MMP2: variants seen among roughly 807,000 people sequenced by gnomAD.
MMP2 encodes the protein 72 kDa type IV collagenase.
In MMP2, 39 loss-of-function variants were observed where a neutral mutation model predicts 74.8. That is an observed-to-expected ratio of 0.52 (90% CI 0.40 to 0.68). The LOEUF is 0.68. Ranked by LOEUF, MMP2 falls within the 30% of genes least tolerant of loss-of-function variation. MMP2 has a pLI of 0.00. For missense variants in MMP2, 803 were observed against 878.3 expected, an observed-to-expected ratio of 0.91 and a Z score of 1.08; for synonymous variants, 367 against 339.8, an observed-to-expected ratio of 1.08 and a Z score of -0.88.
At chr16:55,488,919 C>T in intron 6 of MMP2, 1 of 634,186 alleles carries the variant, frequency 1.6e-6, no homozygotes, top group Non-Finnish European at 2.8e-6. Context: ...GAAATCAGAA[C>T]AGACATTGGG....
At chr16:55,503,997 T>A (rs547452648) in intron 12 of MMP2, among the ~76,000 whole-genome samples, 6 of 152,164 alleles carry the variant, frequency 3.9e-5, no homozygotes, top group South Asian at 2.1e-4. Context: ...TACAAAAAAA[T>A]TTTAAAAAAC....
At chr16:55,491,775 C>A in intron 7 of MMP2, 26 bp from the exon 8 acceptor site, 2 of 1,614,100 alleles carry the variant, frequency 1.2e-6, no homozygotes, top group Non-Finnish European at 1.7e-6. Context: ...TGTCTTTCAA[C>A]CCTCTCTCCT....
chr16:55,484,032 C>G lies in MMP2; in HGVS notation c.397C>G (p.Pro133Ala). Reference sequence around the variant, plus strand: ...CACCTCCAGGATCATTGGCTACACACCTGATCTGGACCCAGAGACAGTGGA... The same window carrying G: ...CACCTCCAGGATCATTGGCTACACAGCTGATCTGGACCCAGAGACAGTGGA... ...QITYRIIGYT[P>A]DLDPETVDDA... Residue 133 changes from proline (P) to alanine (A), a missense_variant, in exon 3 of 13, where the codon CCT becomes GCT. Pro to Ala is a conservative substitution (Grantham distance 27). Coordinates refer to ENST00000219070, the MANE Select transcript of MMP2 (RefSeq NM_004530.6). The G allele has an allele frequency of 6.2e-7, 1 of 1,614,196 alleles. No individual in the cohort carries two copies. Among genetic ancestry groups the G allele is most frequent in the Non-Finnish European group, 8.5e-7 (1 of 1,180,030 alleles).
In MMP2 at chr16:55,493,200, C is replaced by T; in HGVS notation, c.1379C>T (p.Thr460Met). The T allele has an allele frequency of 6.2e-7, 1 of 1,614,072 alleles. No homozygotes were observed. The highest frequency in any genetic ancestry group is 8.5e-7 in the Non-Finnish European group (1 of 1,179,980). The change falls in exon 9 of 13, where the codon ACG becomes ATG. Residue 460 changes from threonine to methionine, a missense_variant. Around this residue, in one of 3 missense-constraint regions of MMP2, gnomAD observed 555 missense variants for 592.0 expected, o/e 0.94. Transcript: ENST00000219070. The stretch of plus-strand genomic sequence containing the variant: ...GACCTTGGCACCGGCCCCACCCCCA[C>T]GCTGGGCCCTGTCACTCCTGAGATC... ...DIDLGTGPTP[T>M]LGPVTPEICK...
intron 1 of MMP2, among the ~76,000 whole-genome samples, chr16:55,480,788 C>T (rs1962080448): frequency 6.6e-6 from 1 of 152,168 alleles, no homozygotes; most frequent in African/African-American, 2.4e-5. Flanking sequence ...CTACCCTCTC[C>T]CAACTCTCAC....
intron 10 of MMP2, 133 bp from the exon 11 acceptor site, chr16:55,498,156 C>T (rs1475009397): frequency 1.7e-6 from 2 of 1,182,606 alleles, no homozygotes; most frequent in Non-Finnish European, 2.5e-6. Context: ...GGCACTGCAA[C>T]CAGGAGTGAG....
In MMP2 at chr16:55,482,915, C is replaced by T. The variant is rs754105793; in HGVS notation, c.160C>T (p.Leu54=). 3.7e-6 allele frequency: 6 copies of T among 1,613,944 alleles called. No individual in the cohort carries two copies. In the African/African-American group the frequency reaches 8.0e-5, roughly 22 times the overall value. Residue 54 remains leucine (L), a synonymous_variant, in exon 2 of 13, where the codon CTG becomes TTG. Transcript: ENST00000219070. ...KTDKELAVQY[L]NTFYGCPKES... is the part of the protein sequence containing the mutation. ...GGGTGTGCATTTCTTTCAGCAATAC[C>T]TGAACACCTTCTATGGCTGCCCCAA...
At chr16:55,485,119 T>C (rs1962208316) in intron 3 of MMP2, among the ~76,000 whole-genome samples, 180 bp from the exon 4 acceptor site, 2 of 151,972 alleles carry the variant, frequency 1.3e-5, no homozygotes, top group Non-Finnish European at 2.9e-5. Context: ...CATAGGATGG[T>C]AACAACCAGG....
intron 3 of MMP2, 147 bp from the exon 4 acceptor site, chr16:55,485,152 C>T: frequency 9.1e-7 from 1 of 1,102,934 alleles, no homozygotes; most frequent in Non-Finnish European, 1.4e-6. Flanking sequence ...TACTGAGCTC[C>T]TGTTGACAGT....
chr16:55,486,335 GTGTGTGTGTGCC>G (rs1230326782), intron 5 of MMP2, among the ~76,000 whole-genome samples: 87 of 125,790 alleles, frequency 6.9e-4, no homozygotes, highest in African/African-American at 2.5e-3. Flanking sequence ...GTGTGTGTGT[GTGTGTGTGTGCC>G]TGTGTGTGTG....
chr16:55,506,608 A>T lies in MMP2; in HGVS notation c.*1166A>T, dbSNP rs1962808639. On this transcript the variant is annotated 3_prime_UTR_variant, in exon 13 of 13. Transcript: ENST00000219070. The stretch of plus-strand genomic sequence containing the variant: ...ATAGAGTGCTTTCTATGTGCAAGGC[A>T]CTTTTCACGTGTCACCTATTTTAAC... 6.6e-6 allele frequency: 1 copy of T among 152,230 alleles called. No individual in the cohort carries two copies. Among genetic ancestry groups the T allele is most frequent in the East Asian group, 1.9e-4 (1 of 5,200 alleles). 9.4% of individuals were successfully genotyped at this position (152,230 alleles called of 1,614,324 possible).
At position 55,496,996 on chromosome 16, in the gene MMP2, G is replaced by A. The variant is rs779078235; in HGVS notation, c.1543G>A (p.Glu515Lys). Reference protein sequence around the residue: ...GPLLVATFWPELPEKIDAVYE... With the variant: ...GPLLVATFWPKLPEKIDAVYE... ...CCTGCTGGTGGCCACATTCTGGCCT[G>A]AGCTCCCGGAAAAGATTGATGCGGT... The change falls in exon 10 of 13, where the codon GAG becomes AAG. Residue 515 changes from glutamate (E) to lysine (K), a missense_variant. Transcript: ENST00000219070. 1.9e-6 allele frequency: 3 copies of A among 1,614,084 alleles called. No homozygotes were observed. The highest frequency in any genetic ancestry group is 3.3e-5 in the Admixed American group (2 of 60,010).
chr16:55,500,952 G>A (rs1464830357), intron 11 of MMP2, among the ~76,000 whole-genome samples: 1 of 152,254 alleles, frequency 6.6e-6, no homozygotes, highest in East Asian at 1.9e-4. Context: ...CATCTGCTGT[G>A]TGCCAGGCAC....
intron 7 of MMP2, among the ~76,000 whole-genome samples, chr16:55,491,228 G>T (rs1962397785): frequency 6.6e-6 from 1 of 152,020 alleles, no homozygotes; most frequent in Admixed American, 6.6e-5. Context: ...TAAGACTTGG[G>T]CAAATCTTTT....
chr16:55,486,764 T>C (rs1030923016), intron 5 of MMP2: 4 of 152,198 alleles, frequency 2.6e-5, no homozygotes, highest in African/African-American at 9.7e-5. Flanking sequence ...CTAAAAATTT[T>C]TAACACTATC....
At chr16:55,487,462 C>T (rs1019957635) in intron 5 of MMP2, 5 of 152,294 alleles carry the variant, frequency 3.3e-5, no homozygotes, top group African/African-American at 9.7e-5. Context: ...CTTGCCTTTT[C>T]TCTAGGTGCC....
rs114058140 is a variant in MMP2 at position 55,496,115 on chromosome 16, A to G, written c.1473-811A>G. 2.3e-3 allele frequency among the ~76,000 whole-genome samples: 358 copies of G among 152,368 alleles called. 2 individuals carry two copies. The highest frequency in any genetic ancestry group is 7.8e-3 in the African/African-American group (325 of 41,574). On this transcript the variant is annotated intron_variant, in intron 9 of 12. Coordinates refer to ENST00000219070, the MANE Select transcript of MMP2 (RefSeq NM_004530.6). ...GTTAGAATCATCTGGAAGGCTTGTT[A>G]AAACACAGATTCTGGGCCCCAAGCC...
chr16:55,503,566 G>A (rs906715230), intron 12 of MMP2, among the ~76,000 whole-genome samples: 1 of 151,948 alleles, frequency 6.6e-6, no homozygotes, highest in Non-Finnish European at 1.5e-5. Flanking sequence ...GTAGCTGAAG[G>A]TCTTACATGT....
At chr16:55,488,786 A>C in intron 6 of MMP2, 70 bp downstream of exon 6, 34 of 1,489,238 alleles carry the variant, frequency 2.3e-5, no homozygotes, top group Non-Finnish European at 3.0e-5. Context: ...AACCCATAAG[A>C]CTCCGAGTGC....
Sources: allele counts gnomAD v4.1 joint callset (sites outside exome capture counted in the v4.1 genomes callset), GRCh38; gene constraint gnomAD v4.1.1; regional missense constraint gnomAD v4.1.1; transcripts MANE v1.5; gene names NCBI Gene and HGNC (gene_info 2026-07-23, HGNC 2026-07-21).